The following FMN1 variants were observed in gnomAD, a reference collection of about 807,000 sequenced individuals.
FMN1 encodes the protein formin 1.
Under a neutral mutation model 132.4 loss-of-function variants are expected in FMN1, and 110 were observed. The observed-to-expected ratio is 0.83, with a 90% CI of 0.71 to 0.97. The LOEUF is 0.97. Among genes scored for constraint, FMN1 ranks in the 50% least tolerant of loss-of-function variants. FMN1 has a pLI of 0.00. For missense variants in FMN1, 1,792 were observed against 1,705.3 expected, an observed-to-expected ratio of 1.05 and a Z score of -0.90; for synonymous variants, 722 against 651.7, an observed-to-expected ratio of 1.11 and a Z score of -1.64.
At chr15:32,836,757 C>G (rs1422854512) in intron 17 of FMN1, among the ~76,000 whole-genome samples, 2 of 152,060 alleles carry the variant, frequency 1.3e-5, no homozygotes, top group Non-Finnish European at 2.9e-5. Flanking sequence ...AACAAGCTAG[C>G]CTATGTTAAA....
intron 19 of FMN1, among the ~76,000 whole-genome samples, 186 bp downstream of exon 19, chr15:32,798,618 G>C (rs1476743684): frequency 6.6e-6 from 1 of 152,146 alleles, no homozygotes; most frequent in African/African-American, 2.4e-5. Flanking sequence ...GAGCATATCT[G>C]CCTGTGTGGA....
chr15:32,824,255 G>C (rs1322604336), intron 17 of FMN1, among the ~76,000 whole-genome samples: 1 of 152,188 alleles, frequency 6.6e-6, no homozygotes, highest in East Asian at 1.9e-4. Context: ...TGAAAGCCAA[G>C]TCTGCCTGGG....
At chr15:33,037,082 CTTCAG>C (rs2036225032) in intron 6 of FMN1, among the ~76,000 whole-genome samples, 1 of 152,214 alleles carries the variant, frequency 6.6e-6, no homozygotes, top group South Asian at 2.1e-4. Context: ...ACCTGGAACT[CTTCAG>C]TTATGACTTC....
chr15:33,100,932 A>C (rs2039269555), intron 4 of FMN1, among the ~76,000 whole-genome samples: 1 of 152,242 alleles, frequency 6.6e-6, no homozygotes, highest in African/African-American at 2.4e-5. Flanking sequence ...GAAAATGTTC[A>C]CAATATGACA....
At chr15:32,831,577 T>G (rs973084417) in intron 17 of FMN1, among the ~76,000 whole-genome samples, 1 of 151,424 alleles carries the variant, frequency 6.6e-6, no homozygotes, top group African/African-American at 2.4e-5. Flanking sequence ...GGTGGGGAGG[T>G]TGGTATTGCA....
intron 17 of FMN1, among the ~76,000 whole-genome samples, chr15:32,829,499 C>T (rs1341750393): frequency 6.6e-6 from 1 of 152,144 alleles, no homozygotes; most frequent in Non-Finnish European, 1.5e-5. Context: ...ATTAAGGGCT[C>T]TATATGTGGC....
chr15:33,166,413 A>G (rs1965111854), intron 3 of FMN1, among the ~76,000 whole-genome samples: 1 of 152,046 alleles, frequency 6.6e-6, no homozygotes, highest in Admixed American at 6.6e-5. Context: ...ATAGGATTTT[A>G]AAAATGTATT....
intron 9 of FMN1, among the ~76,000 whole-genome samples, chr15:32,934,629 C>G (rs1278827002): frequency 7.3e-6 from 1 of 137,814 alleles, no homozygotes; most frequent in Non-Finnish European, 1.5e-5. Flanking sequence ...GTGGGGAGGA[C>G]TGAGTCTCAC....
intron 19 of FMN1, among the ~76,000 whole-genome samples, chr15:32,790,458 C>T (rs1324972940): frequency 6.6e-6 from 1 of 152,180 alleles, no homozygotes; most frequent in Non-Finnish European, 1.5e-5. Context: ...AAACTAAACA[C>T]AAAATGTGTT....
intron 9 of FMN1, among the ~76,000 whole-genome samples, chr15:32,944,976 CTTTGA>C (rs2140460938): frequency 6.6e-6 from 1 of 152,232 alleles, no homozygotes; most frequent in Admixed American, 6.5e-5. Flanking sequence ...CTGCGAACAG[CTTTGA>C]TTTTAGACTT....
chr15:32,963,982 A>AT (rs2030895829), intron 9 of FMN1, 125 bp downstream of exon 9: 2 of 531,690 alleles, frequency 3.8e-6, no homozygotes, highest in East Asian at 5.7e-5. Context: ...ACACACACAT[A>AT]TATGTATAGG....
intron 6 of FMN1, among the ~76,000 whole-genome samples, chr15:33,032,515 A>G (rs2035984532): frequency 6.6e-6 from 1 of 152,240 alleles, no homozygotes; most frequent in Non-Finnish European, 1.5e-5. Context: ...AAAACTACAG[A>G]TACTCCTCAA....
chr15:32,804,169 G>C, intron 18 of FMN1, 112 bp downstream of exon 18: 1 of 775,756 alleles, frequency 1.3e-6, no homozygotes, highest in Non-Finnish European at 2.1e-6. Flanking sequence ...AGTTGGGGAA[G>C]TAAAAATGTT....
chr15:32,923,663 G>A (rs1222697879), intron 10 of FMN1, among the ~76,000 whole-genome samples: 1 of 152,142 alleles, frequency 6.6e-6, no homozygotes, highest in Non-Finnish European at 1.5e-5. Flanking sequence ...GTATAACATT[G>A]GAAAAGGTCT....
chr15:33,100,802 A>G (rs1471121051), intron 4 of FMN1, among the ~76,000 whole-genome samples: 3 of 152,206 alleles, frequency 2.0e-5, no homozygotes, highest in Non-Finnish European at 2.9e-5. Context: ...TATCCACCAA[A>G]ATATAATCTA....
chr15:33,175,044 T>A (rs79269938), intron 3 of FMN1, among the ~76,000 whole-genome samples: 2 of 151,724 alleles, frequency 1.3e-5, no homozygotes, highest in Admixed American at 6.6e-5. Context: ...TTTTTTTTTT[T>A]TAGACAGGGT....
At chr15:32,811,775 C>T (rs1366430451) in intron 17 of FMN1, among the ~76,000 whole-genome samples, 1 of 152,054 alleles carries the variant, frequency 6.6e-6, no homozygotes, top group Non-Finnish European at 1.5e-5. Flanking sequence ...AGCGATTCTC[C>T]TGCCTCAGCC....
chr15:33,107,615 T>G (rs187430656), intron 4 of FMN1, among the ~76,000 whole-genome samples: 3 of 152,264 alleles, frequency 2.0e-5, no homozygotes, highest in Admixed American at 2.0e-4. Context: ...TTCCCCAGGC[T>G]GTTAAATGGC....
At chr15:32,930,878 A>G (rs2061098626) in intron 9 of FMN1, among the ~76,000 whole-genome samples, 1 of 152,196 alleles carries the variant, frequency 6.6e-6, no homozygotes, top group South Asian at 2.1e-4. Context: ...ATATGTTCCA[A>G]GATAAGGGTC....
Sources: allele counts gnomAD v4.1 joint callset (sites outside exome capture counted in the v4.1 genomes callset), GRCh38; gene constraint gnomAD v4.1.1; transcripts MANE v1.5; gene names NCBI Gene and HGNC (gene_info 2026-07-23, HGNC 2026-07-21).